Variants in SPTBN4 observed in about 807,000 individuals in gnomAD.
SPTBN4 encodes spectrin beta, non-erythrocytic 4, also known as spectrin beta chain, non-erythrocytic 4.
In SPTBN4, 96 loss-of-function variants were observed where a neutral mutation model predicts 277.8. That is an observed-to-expected ratio of 0.35 (90% CI 0.29 to 0.41). The LOEUF (loss-of-function observed/expected upper bound fraction) is 0.41, where lower values mean the gene tolerates loss of function less well. Among genes scored for constraint, SPTBN4 ranks in the 10% least tolerant of loss-of-function variants. SPTBN4 has a pLI of 1.00. For synonymous variants in SPTBN4, 1,481 were observed against 1,580.3 expected, an observed-to-expected ratio of 0.94 and a Z score of 1.49; for missense variants, 3,006 against 3,595.7, an observed-to-expected ratio of 0.84 and a Z score of 4.19.
At chr19:40,468,566 G>T (rs955659876) in intron 1 of SPTBN4, among the ~76,000 whole-genome samples, 2 of 152,132 alleles carry the variant, frequency 1.3e-5, no homozygotes, top group African/African-American at 4.8e-5. Context: ...TTTTAGTAAA[G>T]ACCGGGTTTT....
intron 16 of SPTBN4, among the ~76,000 whole-genome samples, chr19:40,520,606 CAG>C (rs1239659680): frequency 1.3e-5 from 2 of 152,182 alleles, no homozygotes; most frequent in African/African-American, 4.8e-5. Context: ...TGGAGTCAGT[CAG>C]TGATTGTGGA....
rs1490910910 is a variant in SPTBN4, at chr19:40,512,767, G to C, written c.1978G>C (p.Ala660Pro). Reference sequence around the variant, plus strand: ...GGAGCTGGAGGAGGCCGAGAGCTGGGCGCGCGACAAGGAGCGTCTCCTGGA... The same window carrying C: ...GGAGCTGGAGGAGGCCGAGAGCTGGCCGCGCGACAAGGAGCGTCTCCTGGA... Reference protein sequence around the residue: ...LQELEEAESWARDKERLLEAA... With the variant: ...LQELEEAESWPRDKERLLEAA... Residue 660 changes from alanine (A) to proline (P), a missense_variant, in exon 14 of 36, where the codon GCG becomes CCG. Around this residue, in one of 5 missense-constraint regions of SPTBN4, gnomAD observed 1,759 missense variants for 2,061.5 expected, o/e 0.85. Transcript: ENST00000598249. 1 of 1,508,122 alleles carries C rather than the reference G, an allele frequency of 6.6e-7. No homozygotes were observed. Among genetic ancestry groups the C allele is most frequent in the African/African-American group, 1.4e-5 (1 of 69,216 alleles). 93.4% of individuals were successfully genotyped at this position (1,508,122 alleles called of 1,614,324 possible).
chr19:40,479,702 A>ATATATATATATATATATT (rs1303572950), intron 2 of SPTBN4, among the ~76,000 whole-genome samples: 32 of 144,422 alleles, frequency 2.2e-4, no homozygotes, highest in African/African-American at 7.9e-4. Flanking sequence ...ATATATATAT[A>ATATATATATATATATATT]TTTAACTTTT....
At chr19:40,535,610 A>G (rs1258241042) in intron 20 of SPTBN4, among the ~76,000 whole-genome samples, 1 of 151,506 alleles carries the variant, frequency 6.6e-6, no homozygotes, top group Non-Finnish European at 1.5e-5. Flanking sequence ...ACTGATTAGT[A>G]TGTATTCATT....
At chr19:40,518,694 G>C (rs1294125917) in intron 15 of SPTBN4, among the ~76,000 whole-genome samples, 1 of 152,116 alleles carries the variant, frequency 6.6e-6, no homozygotes, top group South Asian at 2.1e-4. Context: ...AAAGTGCTGG[G>C]ATTACAGGTG....
At chr19:40,526,471 G>A (rs781426357) in intron 17 of SPTBN4, among the ~76,000 whole-genome samples, 7 of 150,632 alleles carry the variant, frequency 4.6e-5, no homozygotes, top group Admixed American at 1.3e-4. Flanking sequence ...CGCGCCGGCC[G>A]CTAGGTGCTG....
rs1338052981 is a variant in SPTBN4, at chr19:40,502,828, T to A, written c.1257T>A (p.Ala419=). The A allele has an allele frequency of 6.2e-7, 1 of 1,613,968 alleles. No homozygotes were observed. Among genetic ancestry groups the A allele is most frequent in the Non-Finnish European group, 8.5e-7 (1 of 1,180,022 alleles). The change falls in exon 11 of 36, where the codon GCT becomes GCA. Residue 419 remains alanine (A), a synonymous_variant. Coordinates refer to ENST00000598249, the MANE Select transcript of SPTBN4 (RefSeq NM_020971.3). This position sits in a 1 kb window ranked among gnomAD's most constrained non-coding sequence, Gnocchi z 4.9. ...ATGAGCGGGAGGCTGCCCTACGGGC[T>A]GAGCTGATTCGGCAGGAGAAGCTGG... The part of the protein sequence containing the change: ...AEHEREAALR[A]ELIRQEKLEL...
chr19:40,552,321 G>A (rs2145927655), intron 22 of SPTBN4, among the ~76,000 whole-genome samples: 1 of 150,914 alleles, frequency 6.6e-6, no homozygotes. Flanking sequence ...CGGGCGAGGT[G>A]TCGGGCGCCT....
At chr19:40,529,441 G>T (rs1255776944) in intron 18 of SPTBN4, among the ~76,000 whole-genome samples, 1 of 152,210 alleles carries the variant, frequency 6.6e-6, no homozygotes, top group East Asian at 1.9e-4. Flanking sequence ...TGTGAGAATC[G>T]CTCTACCCCA....
intron 20 of SPTBN4, among the ~76,000 whole-genome samples, chr19:40,538,390 C>CA (rs1233852253): frequency 0.011 from 1,150 of 104,928 alleles, 11 homozygotes; most frequent in African/African-American, 0.034. Flanking sequence ...GACTCTGTCT[C>CA]AAAAAAAAAA....
chr19:40,543,244 G>A (rs1477722762), intron 20 of SPTBN4, among the ~76,000 whole-genome samples: 1 of 152,134 alleles, frequency 6.6e-6, no homozygotes, highest in Non-Finnish European at 1.5e-5. Flanking sequence ...GAGGCCAGGA[G>A]TTGGAGACCC....
chr19:40,530,073 C>T (rs1286573099), intron 18 of SPTBN4, among the ~76,000 whole-genome samples: 1 of 152,106 alleles, frequency 6.6e-6, no homozygotes, highest in Non-Finnish European at 1.5e-5. Context: ...TGTTCCCCCT[C>T]GCCCCCACTG....
intron 20 of SPTBN4, among the ~76,000 whole-genome samples, chr19:40,540,169 C>A (rs1205067111): frequency 6.6e-6 from 1 of 151,972 alleles, no homozygotes; most frequent in Non-Finnish European, 1.5e-5. Flanking sequence ...TCAAGTGATC[C>A]GCCCGCCTCG....
At chr19:40,514,843 G>A (rs546930926) in intron 14 of SPTBN4, among the ~76,000 whole-genome samples, 6 of 152,314 alleles carry the variant, frequency 3.9e-5, no homozygotes, top group South Asian at 2.1e-4. Flanking sequence ...GGTGGCTCAC[G>A]CCTGTAATCC....
intron 17 of SPTBN4, among the ~76,000 whole-genome samples, chr19:40,527,333 C>T (rs1363273422): frequency 6.6e-6 from 1 of 152,142 alleles, no homozygotes; most frequent in Non-Finnish European, 1.5e-5. Context: ...ATTCATTTAA[C>T]AAATATAAGT....
chr19:40,567,020 G>A, intron 30 of SPTBN4: 1 of 378,278 alleles, frequency 2.6e-6, no homozygotes, highest in Non-Finnish European at 5.5e-6. Context: ...GGGTGGGGTG[G>A]CTCACACCTG....
intron 13 of SPTBN4, among the ~76,000 whole-genome samples, chr19:40,510,881 G>C (rs2080383020): frequency 6.6e-6 from 1 of 152,122 alleles, no homozygotes; most frequent in Non-Finnish European, 1.5e-5. Flanking sequence ...GCCAGGCATG[G>C]TGTTGTGGGC....
intron 19 of SPTBN4, 56 bp downstream of exon 19, chr19:40,532,827 C>A: frequency 1.3e-6 from 2 of 1,544,628 alleles, no homozygotes; most frequent in African/African-American, 1.4e-5. Context: ...CTCCAGGGAG[C>A]CCACGTCTCA....
chr19:40,523,976 T>C (rs957017460), intron 17 of SPTBN4, among the ~76,000 whole-genome samples: 2 of 152,092 alleles, frequency 1.3e-5, no homozygotes, highest in African/African-American at 4.8e-5. Flanking sequence ...CTAATTTTTG[T>C]ATTTTTAGTA....
Sources: gnomAD v4.1 joint callset for allele counts (sites outside exome capture counted in the v4.1 genomes callset) on GRCh38, gnomAD v4.1.1 for gene constraint, gnomAD v4.1.1 regional missense constraint, Gnocchi (gnomAD v3.1) non-coding constraint, MANE v1.5 for transcripts, NCBI Gene and HGNC (gene_info 2026-07-23, HGNC 2026-07-21) for gene names.